The following DMD variants were observed in gnomAD, a reference collection of about 807,000 sequenced individuals.
The protein encoded by DMD is mutant dystrophin.
Under a neutral mutation model 330.1 loss-of-function variants are expected in DMD, and 63 were observed. That is an observed-to-expected ratio of 0.19 (90% CI 0.16 to 0.24). The LOEUF (loss-of-function observed/expected upper bound fraction) is 0.24. Ranked by LOEUF, DMD falls within the 10% of genes least tolerant of loss-of-function variation. DMD has a pLI of 1.00. For missense variants in DMD, 3,344 were observed against 2,684.1 expected, an observed-to-expected ratio of 1.25 and a Z score of -5.43; for synonymous variants, 1,223 against 959.8, an observed-to-expected ratio of 1.27 and a Z score of -5.07.
chrX:32,303,127 A>T (rs1014015498), intron 42 of DMD, among the ~76,000 whole-genome samples: 2 of 111,840 alleles, frequency 1.8e-5, no homozygotes, highest in African/African-American at 6.5e-5. Flanking sequence ...CAATTTCTTC[A>T]TGCTTATATG....
chrX:32,610,900 G>A (rs1009212787), intron 12 of DMD, among the ~76,000 whole-genome samples: 1 of 110,875 alleles, frequency 9.0e-6, no homozygotes, highest in Admixed American at 9.7e-5. Context: ...GCTGCAAAGC[G>A]ATTCAACGAC....
At chrX:32,222,267 A>T (rs2097134368) in intron 43 of DMD, among the ~76,000 whole-genome samples, 1 of 111,864 alleles carries the variant, frequency 8.9e-6, no homozygotes, top group Admixed American at 9.5e-5. Flanking sequence ...CCTCTGGGAT[A>T]CAGCAAAAGC....
chrX:31,467,314 C>G (rs765784701), intron 59 of DMD, among the ~76,000 whole-genome samples: 101 of 111,324 alleles, frequency 9.1e-4, no homozygotes, highest in Admixed American at 2.4e-3. Context: ...TCATAAGTAG[C>G]TCTTATTATT....
intron 33 of DMD, among the ~76,000 whole-genome samples, chrX:32,383,999 T>C (rs1224547122): frequency 9.1e-6 from 1 of 110,478 alleles, no homozygotes; most frequent in Non-Finnish European, 1.9e-5. Flanking sequence ...ACATATATTT[T>C]CTTAATTTAA....
intron 44 of DMD, among the ~76,000 whole-genome samples, chrX:32,210,563 A>AT (rs901518615): frequency 3.6e-5 from 4 of 111,736 alleles, no homozygotes; most frequent in African/African-American, 9.7e-5. Flanking sequence ...CTTGTGTCTG[A>AT]TTTTTTTACA....
At chrX:32,555,417 C>G (rs1019360179) in intron 16 of DMD, among the ~76,000 whole-genome samples, 1 of 111,605 alleles carries the variant, frequency 9.0e-6, no homozygotes. Context: ...TCCTTTTCAA[C>G]ATAGTATTGG....
At chrX:31,838,085 C>T (rs1361387381) in intron 48 of DMD, among the ~76,000 whole-genome samples, 1 of 111,543 alleles carries the variant, frequency 9.0e-6, no homozygotes, top group Non-Finnish European at 1.9e-5. Context: ...ATGCAGCACC[C>T]GGAATGACTG....
At chrX:32,366,125 A>C (rs144885510) in intron 34 of DMD, among the ~76,000 whole-genome samples, 291 of 112,627 alleles carry the variant, frequency 2.6e-3, no homozygotes, top group African/African-American at 8.8e-3. Context: ...CATGAAAACA[A>C]TCACATTTAA....
At chrX:32,947,973 G>C (rs1414738650) in intron 2 of DMD, among the ~76,000 whole-genome samples, 8 of 111,412 alleles carry the variant, frequency 7.2e-5, no homozygotes, top group African/African-American at 2.3e-4. Context: ...TTATAAAACT[G>C]AATCCTTAAG....
Position 32,454,836 on chromosome X carries a change from C to T in DMD, c.3433-4G>A. ...AGGCCTCCTTTCTGGCATAGACCTTCCACAAAACAAACAAACAAAACACGA... is the reference window on the plus strand; with the variant it reads ...AGGCCTCCTTTCTGGCATAGACCTTTCACAAAACAAACAAACAAAACACGA... On this transcript the variant is annotated splice_region_variant and splice_polypyrimidine_tract_variant and intron_variant, in intron 25 of 78. Transcript: ENST00000357033. 8.3e-7 allele frequency: 1 copy of T among 1,205,200 alleles called. No individual in the cohort carries two copies. The highest frequency in any genetic ancestry group is 1.8e-5 in the South Asian group (1 of 56,644).
At chrX:31,793,437 C>G (rs2091673746) in intron 50 of DMD, among the ~76,000 whole-genome samples, 1 of 111,276 alleles carries the variant, frequency 9.0e-6, no homozygotes, top group Admixed American at 9.6e-5. Context: ...GGATTATTTC[C>G]TGATAAACCC....
intron 11 of DMD, among the ~76,000 whole-genome samples, chrX:32,620,222 C>T (rs1200407344): frequency 1.8e-5 from 2 of 111,985 alleles, no homozygotes; most frequent in Admixed American, 1.9e-4. Context: ...TCCTCATACA[C>T]TAATGCCAGG....
rs151110672 is a variant in DMD at position 31,824,153 on chromosome X, C to G, written c.7201-4070G>C. Reference sequence around the variant, plus strand: ...GAAGTTTCTCTCACATTCTTAAGGTCATAAGGAAGTACAAGAAAGTTTGTT... The same window carrying G: ...GAAGTTTCTCTCACATTCTTAAGGTGATAAGGAAGTACAAGAAAGTTTGTT... On this transcript the variant is annotated intron_variant, in intron 49 of 78. Coordinates refer to ENST00000357033, the MANE Select transcript of DMD (RefSeq NM_004006.3). 3.2e-3 allele frequency among the ~76,000 whole-genome samples: 356 copies of G among 112,166 alleles called. 5 individuals carry two copies. Among genetic ancestry groups the G allele is most frequent in the African/African-American group, 0.011 (352 of 30,878 alleles).
At chrX:31,171,029 C>T (rs756114353) in intron 73 of DMD, among the ~76,000 whole-genome samples, 2 of 112,001 alleles carry the variant, frequency 1.8e-5, no homozygotes, top group Non-Finnish European at 3.8e-5. Flanking sequence ...TGTGCTAGAG[C>T]TTCTAATACC....
intron 2 of DMD, among the ~76,000 whole-genome samples, chrX:33,003,079 G>T (rs1026728433): frequency 9.2e-5 from 10 of 108,661 alleles, no homozygotes; most frequent in African/African-American, 3.4e-4. Context: ...CGAGATTTTG[G>T]TGCACCCATC....
intron 62 of DMD, among the ~76,000 whole-genome samples, chrX:31,284,557 T>TTTCTTCTTTCTTCTTCTTCTTCTTCTTC (rs2052895142): frequency 1.3e-5 from 1 of 78,066 alleles, no homozygotes; most frequent in African/African-American, 5.2e-5. Context: ...TAACGAACTG[T>TTTCTTCTTTCTTCTTCTTCTTCTTCTTC]TTCTTCTTCT....
rs929981600 is a variant in DMD at position 32,849,613 on chromosome X, G to A, written c.186+115C>T. Reference sequence around the variant, plus strand: ...GTTGCTTTACTAAGGAATAGGTATTGCTGTTTCAATCAGTACCTAGTCATT... The same window carrying A: ...GTTGCTTTACTAAGGAATAGGTATTACTGTTTCAATCAGTACCTAGTCATT... On this transcript the variant is annotated intron_variant, in intron 3 of 78. Transcript: ENST00000357033. 6.6e-5 allele frequency: 37 copies of A among 557,150 alleles called. No individual in the cohort carries two copies. In the South Asian group the frequency reaches 9.5e-4, roughly 14 times the overall value. The allele number at this position is 557,150 out of a possible 1,213,427, so 45.9% of individuals were successfully genotyped here. A position where few individuals can be genotyped will look rare whatever the true frequency, so the allele number is the denominator to read the frequency against.
intron 55 of DMD, among the ~76,000 whole-genome samples, chrX:31,552,186 T>A (rs367574551): frequency 8.9e-6 from 1 of 111,841 alleles, no homozygotes; most frequent in Non-Finnish European, 1.9e-5. Flanking sequence ...CTTTTTGTTT[T>A]TCTGGAGACA....
intron 1 of DMD, among the ~76,000 whole-genome samples, chrX:33,045,173 T>C (rs1242965159): frequency 1.8e-5 from 2 of 111,006 alleles, no homozygotes; most frequent in Non-Finnish European, 3.8e-5. Context: ...ACATTAGGCA[T>C]TTTATTTCCC....
Sources: allele counts gnomAD v4.1 joint callset (sites outside exome capture counted in the v4.1 genomes callset), GRCh38; gene constraint gnomAD v4.1.1; transcripts MANE v1.5; gene names NCBI Gene and HGNC (gene_info 2026-07-23, HGNC 2026-07-21).